The following CCL4L2 variants were observed in gnomAD, a reference collection of about 807,000 sequenced individuals.
The protein encoded by CCL4L2 is C-C motif chemokine ligand 4 like 2.
In CCL4L2, 3 loss-of-function variants were observed where a neutral mutation model predicts 5.9. That is an observed-to-expected ratio of 0.51 (90% CI 0.23 to 1.32). The LOEUF (loss-of-function observed/expected upper bound fraction) is 1.32, where lower values mean the gene tolerates loss of function less well. Ranked by LOEUF, CCL4L2 falls within the 40% of genes most tolerant of loss-of-function variation. The pLI is 0.18. For synonymous variants in CCL4L2, 36 were observed against 47.6 expected (o/e 0.76, Z 1.00); for missense variants, 74 against 121.2 (o/e 0.61, Z 1.83).
In CCL4L2 at chr17:36,212,792, T is replaced by A. The variant is rs2068816104; in HGVS notation, c.*369T>A. On this transcript the variant is annotated 3_prime_UTR_variant, in exon 3 of 3. Transcript: ENST00000617405. ...CCCTATGGGGATGGTCCACTCTCAC[T>A]CTTTCTCTGCTGTTGCAAATACATG... The A allele has an allele frequency of 9.7e-6, 6 of 616,562 alleles. No homozygotes were observed. 38.2% of individuals were successfully genotyped at this position (616,562 alleles called of 1,614,324 possible). A position where few individuals can be genotyped will look rare whatever the true frequency, so the allele number is the denominator to read the frequency against.
At chr17:36,212,152 G>A (rs1469300739) in intron 2 of CCL4L2, 1 of 696,648 alleles carries the variant, frequency 1.4e-6, no homozygotes, top group African/African-American at 1.7e-5. Flanking sequence ...CAGGTCCCGT[G>A]AGATATGGAC....
chr17:36,211,138 T>A lies in CCL4L2; in HGVS notation c.-4T>A. ...TCTGAGAAAACCTCTTTGCCACCAA[T>A]ACCATGAAGCTCTGCGTGACTGTCC... is the stretch of plus-strand genomic sequence containing the variant. On this transcript the variant is annotated 5_prime_UTR_variant, in exon 1 of 3. Transcript: ENST00000617405. 6.3e-7 allele frequency: 1 copy of A among 1,581,242 alleles called. No homozygotes were observed. The highest frequency in any genetic ancestry group is 8.6e-7 in the Non-Finnish European group (1 of 1,156,476).
At position 36,211,118 on chromosome 17, in the gene CCL4L2, G is replaced by T; in HGVS notation, c.-24G>T. The T allele has an allele frequency of 6.3e-7, 1 of 1,579,080 alleles. No homozygotes were observed. Among genetic ancestry groups the T allele is most frequent in the Non-Finnish European group, 8.7e-7 (1 of 1,154,722 alleles). ...CTGAGTTCTGCAGCCTCACCTCTGA[G>T]AAAACCTCTTTGCCACCAATACCAT... On this transcript the variant is annotated 5_prime_UTR_variant, in exon 1 of 3. Transcript: ENST00000617405.
Position 36,212,635 on chromosome 17 carries a change from A to AT in CCL4L2, c.*213dup. 1 of 1,519,326 alleles carries AT rather than the reference A, an allele frequency of 6.6e-7. No homozygotes were observed. The highest frequency in any genetic ancestry group is 9.1e-7 in the Non-Finnish European group (1 of 1,099,060). The allele number at this position is 1,519,326 out of a possible 1,614,324, so 94.1% of individuals were successfully genotyped here. A position where few individuals can be genotyped will look rare whatever the true frequency, so the allele number is the denominator to read the frequency against. On this transcript the variant is annotated 3_prime_UTR_variant, in exon 3 of 3. Transcript: ENST00000617405. ...GCCTGGATGCTTCTCCATGAGCCGC[A>AT]TCTCCTCCATACTCAGGACTCCTCT...
At chr17:36,212,270 TG>T (rs2068798136) in intron 2 of CCL4L2, 1 of 782,872 alleles carries the variant, frequency 1.3e-6, no homozygotes, top group Non-Finnish European at 2.3e-6. Context: ...GTTCCTAATC[TG>T]GGCAACCCCT....
intron 1 of CCL4L2, 97 bp from the exon 2 acceptor site, chr17:36,211,679 T>G: frequency 7.2e-7 from 1 of 1,382,134 alleles, no homozygotes; most frequent in Non-Finnish European, 1.0e-6. Context: ...GGGGTTCTGG[T>G]AGCTCCACAG....
In CCL4L2 at chr17:36,212,115, G is replaced by A. The variant is rs1343693275; in HGVS notation, c.192-188G>A. ...GGGTTCCTGGGGAGGAAGTTATTCA[G>A]AGGACAGGGAAGCAGGGGAAGGCAG... On this transcript the variant is annotated intron_variant, in intron 2 of 2. Coordinates refer to ENST00000617405, the MANE Select transcript of CCL4L2 (RefSeq NM_001291475.2). 9.7e-6 allele frequency: 7 copies of A among 717,994 alleles called. No homozygotes were observed. In the East Asian group the frequency reaches 1.9e-4, roughly 19 times the overall value. 44.5% of individuals were successfully genotyped at this position (717,994 alleles called of 1,614,324 possible). A position where few individuals can be genotyped will look rare whatever the true frequency, so the allele number is the denominator to read the frequency against.
Position 36,212,518 on chromosome 17 carries a change from C to G in CCL4L2, c.*95C>G, listed in dbSNP as rs1230826748. On this transcript the variant is annotated 3_prime_UTR_variant, in exon 3 of 3. Transcript: ENST00000617405. ...AAAGAGGCAAGCAAGTCTGCGCTGA[C>G]CCCAGTGAGTCCTGGGTCCAGGAGT... 5.7e-6 allele frequency: 9 copies of G among 1,581,412 alleles called. 1 individual carries two copies. Among genetic ancestry groups the G allele is most frequent in the African/African-American group, 1.3e-5 (1 of 74,850 alleles).
At chr17:36,212,103 G>T in intron 2 of CCL4L2, 1 of 738,716 alleles carries the variant, frequency 1.4e-6, no homozygotes, top group East Asian at 2.6e-5. Flanking sequence ...TTCCTGGGGA[G>T]GAAGTTATTC....
chr17:36,212,493 A>G lies in CCL4L2; in HGVS notation c.*70A>G, dbSNP rs2142234645. 6.3e-7 allele frequency: 1 copy of G among 1,581,322 alleles called. No individual in the cohort carries two copies. The highest frequency in any genetic ancestry group is 1.7e-5 in the Admixed American group (1 of 59,100). On this transcript the variant is annotated 3_prime_UTR_variant, in exon 3 of 3. Coordinates refer to ENST00000617405, the MANE Select transcript of CCL4L2 (RefSeq NM_001291475.2). Reference sequence around the variant, plus strand: ...TCCTTGTTCTACGGATTCCAAACCAAAAGAGGCAAGCAAGTCTGCGCTGAC... The same window carrying G: ...TCCTTGTTCTACGGATTCCAAACCAGAAGAGGCAAGCAAGTCTGCGCTGAC...
chr17:36,212,686 T>G lies in CCL4L2; in HGVS notation c.*263T>G. 1 of 1,194,540 alleles carries G rather than the reference T, an allele frequency of 8.4e-7. No individual in the cohort carries two copies. The highest frequency in any genetic ancestry group is 1.2e-6 in the Non-Finnish European group (1 of 806,386). 74.0% of individuals were successfully genotyped at this position (1,194,540 alleles called of 1,614,324 possible). On this transcript the variant is annotated 3_prime_UTR_variant, in exon 3 of 3. Transcript: ENST00000617405. ...CCGCAGTTCCTGTCTCTTCTCTTAA[T>G]GTAATCTCTTTTATGTGCTGTATTA... is the stretch of plus-strand genomic sequence containing the variant.
chr17:36,211,719 G>A, intron 1 of CCL4L2, 57 bp from the exon 2 acceptor site: 4 of 1,544,762 alleles, frequency 2.6e-6, no homozygotes, highest in Non-Finnish European at 3.6e-6. Context: ...AAAATTAGAA[G>A]TCAAAATAAA....
chr17:36,212,624 C>G lies in CCL4L2; in HGVS notation c.*201C>G, dbSNP rs1244379632. On this transcript the variant is annotated 3_prime_UTR_variant, in exon 3 of 3. Transcript: ENST00000617405. ...AGGTCACCTGAGCCTGGATGCTTCT[C>G]CATGAGCCGCATCTCCTCCATACTC... The G allele has an allele frequency of 1.9e-6, 3 of 1,551,496 alleles. No homozygotes were observed. Among genetic ancestry groups the G allele is most frequent in the Middle Eastern group, 1.8e-4 (1 of 5,558 alleles).
At chr17:36,212,020 A>G (rs1310752537) in intron 2 of CCL4L2, 130 bp downstream of exon 2, 1 of 1,122,060 alleles carries the variant, frequency 8.9e-7, no homozygotes. Flanking sequence ...CCCTGACAGC[A>G]GTGAGGTCAC....
rs1271714248 is a variant in CCL4L2, at chr17:36,211,498, C to T, written c.77-278C>T. ...TATTTGTTCAAGCAAGCCCCTGTCC[C>T]TCTCTGTGCCTTGGTTTCCCCATCT... is the stretch of plus-strand genomic sequence containing the variant. On this transcript the variant is annotated intron_variant, in intron 1 of 2. Coordinates refer to ENST00000617405, the MANE Select transcript of CCL4L2 (RefSeq NM_001291475.2). 11 of 684,394 alleles carry T rather than the reference C, an allele frequency of 1.6e-5. 2 individuals are homozygous for T. Among genetic ancestry groups the T allele is most frequent in the Non-Finnish European group, 2.1e-5 (8 of 372,724 alleles). 42.4% of individuals were successfully genotyped at this position (684,394 alleles called of 1,614,324 possible).
chr17:36,212,159 G>C, intron 2 of CCL4L2: 1 of 696,990 alleles, frequency 1.4e-6, no homozygotes, highest in East Asian at 2.7e-5. Flanking sequence ...CGTGAGATAT[G>C]GACCAATTCC....
intron 2 of CCL4L2, 148 bp downstream of exon 2, chr17:36,212,038 G>A (rs1359811746): frequency 9.9e-7 from 1 of 1,013,654 alleles, no homozygotes; most frequent in African/African-American, 1.4e-5. Flanking sequence ...CACAGGTCAT[G>A]AACTCACTTT....
chr17:36,212,607 T>C lies in CCL4L2; in HGVS notation c.*184T>C. ...CAGGAAGTCTTCAGGGAAGGTCACC[T>C]GAGCCTGGATGCTTCTCCATGAGCC... is the stretch of plus-strand genomic sequence containing the variant. On this transcript the variant is annotated 3_prime_UTR_variant, in exon 3 of 3. Transcript: ENST00000617405. 1.9e-6 allele frequency: 3 copies of C among 1,572,766 alleles called. No homozygotes were observed. Among genetic ancestry groups the C allele is most frequent in the Admixed American group, 3.4e-5 (2 of 59,130 alleles).
In CCL4L2 at chr17:36,212,339, C is replaced by T. The variant is rs1416656794; in HGVS notation, c.228C>T (p.Cys76=). 1.5e-5 allele frequency: 16 copies of T among 1,057,740 alleles called. No individual in the cohort carries two copies. The highest frequency in any genetic ancestry group is 2.8e-5 in the African/African-American group (2 of 71,506). 65.5% of individuals were successfully genotyped at this position (1,057,740 alleles called of 1,614,324 possible). A position where few individuals can be genotyped will look rare whatever the true frequency, so the allele number is the denominator to read the frequency against. The change falls in exon 3 of 3, where the codon TGC becomes TGT. Residue 76 remains cysteine (C), a synonymous_variant. Coordinates refer to ENST00000617405, the MANE Select transcript of CCL4L2 (RefSeq NM_001291475.2). ...TACAGGGAGTCTGCTTCCAGTGCTGCTCCGGGAAGGATCCCATCCACCAGA... is the reference window on the plus strand; with the variant it reads ...TACAGGGAGTCTGCTTCCAGTGCTGTTCCGGGAAGGATCCCATCCACCAGA...
Sources: allele counts gnomAD v4.1 joint callset, GRCh38; gene constraint gnomAD v4.1.1; transcripts MANE v1.5; gene names NCBI Gene and HGNC (gene_info 2026-07-23, HGNC 2026-07-21).